BICD1: variants seen among roughly 807,000 people sequenced by gnomAD.
BICD1 encodes the protein protein bicaudal D homolog 1.
A neutral mutation model predicts 92.5 loss-of-function variants in BICD1; 35 were observed. The observed-to-expected ratio is 0.38, with a 90% CI of 0.29 to 0.50. The LOEUF (loss-of-function observed/expected upper bound fraction) is 0.50. BICD1 is among the 20% of genes least tolerant of loss of function. The probability of loss-of-function intolerance (pLI) is 0.93; values close to 1 mark genes in which losing one functional copy is unlikely to be tolerated. For synonymous variants in BICD1, 429 were observed against 465.1 expected (o/e 0.92, Z 1.00); for missense variants, 950 against 1,189.8 (o/e 0.80, Z 2.97).
At chr12:32,307,798 G>A (rs927136141) in intron 4 of BICD1, among the ~76,000 whole-genome samples, 9 of 152,196 alleles carry the variant, frequency 5.9e-5, no homozygotes, top group Non-Finnish European at 1.3e-4. Context: ...ATATTTCCTT[G>A]TGAAAAAGTT....
chr12:32,278,621 C>T (rs897455952), intron 2 of BICD1, among the ~76,000 whole-genome samples: 1 of 152,238 alleles, frequency 6.6e-6, no homozygotes, highest in East Asian at 1.9e-4. Flanking sequence ...TCGGAGGCCG[C>T]GGCCGGCGGA....
chr12:32,217,880 C>T (rs76678742), intron 2 of BICD1, among the ~76,000 whole-genome samples: 12,581 of 152,260 alleles, frequency 0.083, 565 homozygotes, highest in Middle Eastern at 0.13. Flanking sequence ...GGAGCAACCT[C>T]AGCAGCCGTG....
At chr12:32,177,040 C>A (rs1371563076) in intron 1 of BICD1, among the ~76,000 whole-genome samples, 1 of 151,486 alleles carries the variant, frequency 6.6e-6, no homozygotes, top group Admixed American at 6.6e-5. Context: ...TTTGGCCGGG[C>A]ATGGTGGCTC....
At chr12:32,346,586 GTA>G (rs1209956649) in intron 8 of BICD1, among the ~76,000 whole-genome samples, 1,121 of 10,158 alleles carry the variant, frequency 0.11, 203 homozygotes, top group East Asian at 0.28. Context: ...ATATATACGT[GTA>G]TATATATATA....
chr12:32,198,755 A>C (rs1432683517), intron 1 of BICD1, among the ~76,000 whole-genome samples: 1 of 152,018 alleles, frequency 6.6e-6, no homozygotes, highest in Non-Finnish European at 1.5e-5. Flanking sequence ...CTCCTTCCAC[A>C]TCCTTCTTGC....
intron 1 of BICD1, chr12:32,108,722 T>G: frequency 1.5e-6 from 1 of 671,836 alleles, no homozygotes; most frequent in Non-Finnish European, 2.7e-6. Context: ...ATTTATACTT[T>G]TAGATATGTC....
intron 1 of BICD1, among the ~76,000 whole-genome samples, chr12:32,136,026 A>C (rs1942725130): frequency 6.6e-6 from 1 of 152,204 alleles, no homozygotes; most frequent in African/African-American, 2.4e-5. Flanking sequence ...ATTAGATCAT[A>C]TATATAGGAG....
chr12:32,133,499 A>G (rs533643609), intron 1 of BICD1, among the ~76,000 whole-genome samples: 3 of 151,896 alleles, frequency 2.0e-5, no homozygotes, highest in Non-Finnish European at 4.4e-5. Context: ...GAAAAAAAAA[A>G]AAGATGAGTC....
Position 32,128,453 on chromosome 12 carries a change from G to T in BICD1, c.213+20909G>T, listed in dbSNP as rs1008130989. Among the ~76,000 whole-genome samples, 56 of 141,990 alleles carry T rather than the reference G, an allele frequency of 3.9e-4. 2 individuals are homozygous for T. The highest frequency in any genetic ancestry group is 3.9e-3 in the Admixed American group (56 of 14,304). 93.2% of individuals were successfully genotyped at this position (141,990 alleles called of 152,430 possible). ...TACTAATTCTCTATATACATAAATGGTCTCTTTAGGTATAAATAACCTCAT... is the reference window on the plus strand; with the variant it reads ...TACTAATTCTCTATATACATAAATGTTCTCTTTAGGTATAAATAACCTCAT... On this transcript the variant is annotated intron_variant, in intron 1 of 9. Transcript: ENST00000652176.
chr12:32,335,048 G>T (rs1050031448), intron 6 of BICD1, among the ~76,000 whole-genome samples: 1 of 152,098 alleles, frequency 6.6e-6, no homozygotes, highest in African/African-American at 2.4e-5. Context: ...AGAGTTCTGT[G>T]AAGGAAGTAC....
chr12:32,299,246 G>A (rs1459789314), intron 3 of BICD1, among the ~76,000 whole-genome samples: 1 of 152,128 alleles, frequency 6.6e-6, no homozygotes, highest in Non-Finnish European at 1.5e-5. Flanking sequence ...TTTTCCTATG[G>A]TGACTGCTTT....
intron 1 of BICD1, among the ~76,000 whole-genome samples, chr12:32,150,257 A>G (rs1319822662): frequency 6.6e-6 from 1 of 152,208 alleles, no homozygotes; most frequent in African/African-American, 2.4e-5. Flanking sequence ...CATACCTCTT[A>G]ATACTATCAC....
At chr12:32,242,531 GA>G (rs74974111) in intron 2 of BICD1, among the ~76,000 whole-genome samples, 11,768 of 136,978 alleles carry the variant, frequency 0.086, 709 homozygotes, top group East Asian at 0.31. Flanking sequence ...TGTCTTAAAA[GA>G]AAAAAAAAAA....
chr12:32,219,787 G>A (rs1005131814), intron 2 of BICD1, among the ~76,000 whole-genome samples: 4 of 152,012 alleles, frequency 2.6e-5, no homozygotes, highest in African/African-American at 9.7e-5. Context: ...GTTTTGATTA[G>A]CCTTATTGTA....
intron 1 of BICD1, among the ~76,000 whole-genome samples, chr12:32,128,475 T>TAAGAGATAA (rs373786557): frequency 1.3e-5 from 2 of 152,150 alleles, no homozygotes; most frequent in Non-Finnish European, 2.9e-5. Context: ...ATAAATAACC[T>TAAGAGATAA]CATAATCACA....
chr12:32,337,779 C>G lies in BICD1; in HGVS notation c.2533C>G (p.Pro845Ala), dbSNP rs1173835809. Residue 845 changes from proline to alanine, a missense_variant, in exon 7 of 10, where the codon CCC (proline) becomes GCC (alanine). Physicochemically the swap from Pro to Ala is conservative, Grantham distance 27. Coordinates refer to ENST00000652176, the MANE Select transcript of BICD1 (RefSeq NM_001714.4). This position sits in a 1 kb window ranked among gnomAD's most constrained non-coding sequence, Gnocchi z 4.7. The part of the protein sequence containing the change: ...YLLHSQGPQT[P>A]NIRVSSGTQR... ...CCTGCATAGTCAGGGCCCACAGACA[C>G]CCAACATTCGGGTCAGCAGTGGCAC... The G allele has an allele frequency of 6.2e-7, 1 of 1,614,140 alleles. No homozygotes were observed. Among genetic ancestry groups the G allele is most frequent in the Non-Finnish European group, 8.5e-7 (1 of 1,180,036 alleles).
At chr12:32,150,863 A>G (rs1428143108) in intron 1 of BICD1, among the ~76,000 whole-genome samples, 3 of 152,212 alleles carry the variant, frequency 2.0e-5, no homozygotes, top group Non-Finnish European at 4.4e-5. Context: ...TAAAGAAGGC[A>G]CGTGAGACTC....
intron 1 of BICD1, among the ~76,000 whole-genome samples, chr12:32,122,546 C>T (rs1942194485): frequency 6.6e-6 from 1 of 151,574 alleles, no homozygotes. Context: ...TAAGAGCATT[C>T]TCAGGTCTTC....
At chr12:32,342,355 T>C (rs2136288509) in intron 8 of BICD1, among the ~76,000 whole-genome samples, 1 of 150,438 alleles carries the variant, frequency 6.6e-6, no homozygotes, top group African/African-American at 2.4e-5. Flanking sequence ...CCCAGGTTCA[T>C]GTCATTCTCC....
Sources: allele counts gnomAD v4.1 joint callset (sites outside exome capture counted in the v4.1 genomes callset), GRCh38; gene constraint gnomAD v4.1.1; non-coding constraint Gnocchi (gnomAD v3.1); transcripts MANE v1.5; gene names NCBI Gene and HGNC (gene_info 2026-07-23, HGNC 2026-07-21).